Variants in TRPV2 observed in about 807,000 individuals in gnomAD.
The protein encoded by TRPV2 is OTRPC2.
In TRPV2, 58 loss-of-function variants were observed where a neutral mutation model predicts 91.0. The ratio of observed to expected loss-of-function variants is 0.64; its 90% CI spans 0.52 to 0.79. The LOEUF is 0.79. Among genes scored for constraint, TRPV2 ranks in the 30% least tolerant of loss-of-function variants. The probability of loss-of-function intolerance (pLI) is 0.00; values close to 1 mark genes in which losing one functional copy is unlikely to be tolerated. For synonymous variants in TRPV2, 417 were observed against 414.8 expected (o/e 1.01, Z -0.06); for missense variants, 807 against 969.6 (o/e 0.83, Z 2.23).
At chr17:16,418,724 G>A (rs2093342738) in intron 2 of TRPV2, among the ~76,000 whole-genome samples, 2 of 152,130 alleles carry the variant, frequency 1.3e-5, no homozygotes, top group South Asian at 4.2e-4. Context: ...CTCAATCTGT[G>A]CCCTCAATGG....
At chr17:16,433,442 T>C in intron 12 of TRPV2, 132 bp from the exon 13 acceptor site, 1 of 1,324,110 alleles carries the variant, frequency 7.6e-7, no homozygotes, top group Non-Finnish European at 1.0e-6. Flanking sequence ...CAGATTCGAA[T>C]CCGCGTGTTT....
chr17:16,430,356 G>A (rs1227777043), intron 10 of TRPV2, among the ~76,000 whole-genome samples: 2 of 152,010 alleles, frequency 1.3e-5, no homozygotes, highest in Admixed American at 6.6e-5. Flanking sequence ...CTGTTTCTAC[G>A]AATTTGATGA....
At chr17:16,417,467 C>T in intron 1 of TRPV2, 95 bp from the exon 2 acceptor site, 1 of 534,370 alleles carries the variant, frequency 1.9e-6, no homozygotes, top group South Asian at 2.1e-5. Context: ...TGGTCTCTAA[C>T]AGCTGACCAG....
intron 4 of TRPV2, among the ~76,000 whole-genome samples, chr17:16,423,097 C>G (rs2093366118): frequency 6.6e-6 from 1 of 152,254 alleles, no homozygotes; most frequent in Non-Finnish European, 1.5e-5. Flanking sequence ...ATCCTCCTGC[C>G]TTAGCTTCTC....
At position 16,431,844 on chromosome 17, in the gene TRPV2, G is replaced by C; in HGVS notation, c.1648G>C (p.Ala550Pro). The change falls in exon 11 of 15, where the codon GCT becomes CCT. Residue 550 changes from alanine (A) to proline (P), a missense_variant. Ala to Pro is a conservative substitution (Grantham distance 27). Coordinates refer to ENST00000338560, the MANE Select transcript of TRPV2 (RefSeq NM_016113.5). ...LIYLVFLFGF[A>P]VALVSLSQEA... ...CTACTTAGTCTTCCTTTTCGGCTTC[G>C]CTGTAGGTAAAGGCTCCCTCCGGCC... The C allele has an allele frequency of 6.2e-7, 1 of 1,614,052 alleles. No homozygotes were observed.
chr17:16,433,512 G>T (rs1600992131), intron 12 of TRPV2, 62 bp from the exon 13 acceptor site: 14 of 1,594,338 alleles, frequency 8.8e-6, no homozygotes, highest in South Asian at 2.3e-5. Flanking sequence ...CGCTTGCCTT[G>T]TGTGCCTTTG....
In TRPV2 at chr17:16,423,583, C is replaced by G. The variant is rs1049850201; in HGVS notation, c.740C>G (p.Thr247Arg). 1 of 1,614,254 alleles carries G rather than the reference C, an allele frequency of 6.2e-7. No homozygotes were observed. Among genetic ancestry groups the G allele is most frequent in the African/African-American group, 1.3e-5 (1 of 75,066 alleles). ...CAGGCCACTGACTCCCAGGGCAACA[C>G]AGTCCTGCATGCCCTAGTGATGATC... ...SLQATDSQGNTVLHALVMISD... is the reference protein window; with the variant it reads ...SLQATDSQGNRVLHALVMISD... The change falls in exon 5 of 15, where the codon ACA becomes AGA. Residue 247 changes from threonine to arginine, a missense_variant. By Grantham distance (71) the Thr-to-Arg change is moderately conservative. Coordinates refer to ENST00000338560, the MANE Select transcript of TRPV2 (RefSeq NM_016113.5).
In TRPV2 at chr17:16,432,127, G is replaced by C; in HGVS notation, c.1816G>C (p.Gly606Arg). The C allele has an allele frequency of 1.2e-6, 2 of 1,614,256 alleles. No homozygotes were observed. The highest frequency in any genetic ancestry group is 1.7e-6 in the Non-Finnish European group (2 of 1,180,056). ...ASLELFKFTI[G>R]MGELAFQEQL... ...CTTGGAGCTCTTCAAATTCACCATC[G>C]GCATGGGCGAGCTGGCCTTCCAGGA... The change falls in exon 12 of 15, where the codon GGC (glycine) becomes CGC (arginine). Residue 606 changes from glycine to arginine, a missense_variant. Physicochemically the swap from Gly to Arg is moderately radical, Grantham distance 125 (BLOSUM62 -2). Coordinates refer to ENST00000338560, the MANE Select transcript of TRPV2 (RefSeq NM_016113.5).
chr17:16,432,343 C>T (rs1258582657), intron 12 of TRPV2, 43 bp downstream of exon 12: 16 of 1,552,410 alleles, frequency 1.0e-5, no homozygotes, highest in Non-Finnish European at 1.4e-5. Flanking sequence ...ACCCCACACT[C>T]AGGCGGTGGG....
At chr17:16,416,952 A>G (rs569910091) in intron 1 of TRPV2, among the ~76,000 whole-genome samples, 1 of 152,316 alleles carries the variant, frequency 6.6e-6, no homozygotes, top group Admixed American at 6.5e-5. Context: ...ACGTTGTGTA[A>G]AGAAAGGGTT....
intron 2 of TRPV2, chr17:16,419,531 G>C: frequency 2.4e-6 from 1 of 411,432 alleles, no homozygotes; most frequent in Non-Finnish European, 4.9e-6. Flanking sequence ...TGTGACTTTG[G>C]CAAGTTACAT....
intron 12 of TRPV2, 139 bp downstream of exon 12, chr17:16,432,439 C>CTTTTTTT: frequency 5.6e-6 from 3 of 534,722 alleles, no homozygotes; most frequent in Non-Finnish European, 9.6e-6. Context: ...CTTCCTCTTC[C>CTTTTTTT]TTTTTTTTTT....
intron 2 of TRPV2, among the ~76,000 whole-genome samples, chr17:16,419,830 G>A (rs909937534): frequency 1.3e-5 from 2 of 152,220 alleles, no homozygotes; most frequent in Non-Finnish European, 2.9e-5. Context: ...GTACATCAAG[G>A]CACCTGGCAC....
At chr17:16,422,508 A>C in intron 3 of TRPV2, 91 bp from the exon 4 acceptor site, 2 of 1,317,494 alleles carry the variant, frequency 1.5e-6, no homozygotes, top group Non-Finnish European at 2.1e-6. Flanking sequence ...CCCAAGGGGT[A>C]CTTTGAGCTG....
In TRPV2 at chr17:16,426,161, C is replaced by T. The variant is rs1354205117; in HGVS notation, c.987C>T (p.Thr329=). The change falls in exon 6 of 15, where the codon ACC becomes ACT. Residue 329 remains threonine, a synonymous_variant. Transcript: ENST00000338560. This position sits in a 1 kb window ranked among gnomAD's most constrained non-coding sequence, Gnocchi z 6.0. ...SGLSHLSRKF[T]EWCYGPVRVS... is the part of the protein sequence containing the mutation. ...TGAGCCACCTTTCCCGAAAGTTCAC[C>T]GAGTGGTGCTATGGGCCTGTCCGGG... 2.5e-6 allele frequency: 4 copies of T among 1,614,138 alleles called. No homozygotes were observed. Among genetic ancestry groups the T allele is most frequent in the East Asian group, 4.5e-5 (2 of 44,892 alleles).
intron 12 of TRPV2, 131 bp downstream of exon 12, chr17:16,432,431 T>C (rs1011354852): frequency 2.8e-6 from 2 of 703,256 alleles, no homozygotes; most frequent in South Asian, 2.0e-5. Context: ...TTGTCAGTCT[T>C]CCTCTTCCTT....
At chr17:16,420,063 G>T (rs1600958015) in intron 2 of TRPV2, 52 bp from the exon 3 acceptor site, 11 of 1,587,900 alleles carry the variant, frequency 6.9e-6, no homozygotes, top group East Asian at 6.7e-5. Context: ...AGGGCTTTTG[G>T]GGGGGCCTGT....
chr17:16,423,197 C>CACCCAG (rs763404125), intron 4 of TRPV2, among the ~76,000 whole-genome samples: 3 of 152,370 alleles, frequency 2.0e-5, no homozygotes, highest in African/African-American at 4.8e-5. Flanking sequence ...GACGGGCATG[C>CACCCAG]ACCCAGACCC....
In TRPV2 at chr17:16,435,051, CAGGA is replaced by C; in HGVS notation, c.2194+83_2194+86del. 4.0e-6 allele frequency: 5 copies of C among 1,248,106 alleles called. No homozygotes were observed. Among genetic ancestry groups the C allele is most frequent in the Non-Finnish European group, 4.4e-6 (4 of 903,464 alleles). The allele number at this position is 1,248,106 out of a possible 1,614,324, so 77.3% of individuals were successfully genotyped here. A position where few individuals can be genotyped will look rare whatever the true frequency, so the allele number is the denominator to read the frequency against. On this transcript the variant is annotated intron_variant, in intron 14 of 14. Coordinates refer to ENST00000338560, the MANE Select transcript of TRPV2 (RefSeq NM_016113.5). The surrounding 1 kb of genome is among the most constrained non-coding windows in gnomAD (Gnocchi z 4.2). ...CCACAAAGCCTTGGAGAGTCTGGGG[CAGGA>C]CCCAGAGACCTCCTCATAGTCCCTT...
Sources: allele counts gnomAD v4.1 joint callset (sites outside exome capture counted in the v4.1 genomes callset), GRCh38; gene constraint gnomAD v4.1.1; non-coding constraint Gnocchi (gnomAD v3.1); transcripts MANE v1.5; gene names NCBI Gene and HGNC (gene_info 2026-07-23, HGNC 2026-07-21).